SHOC2: variants seen among roughly 807,000 people sequenced by gnomAD.
SHOC2 encodes the protein leucine-rich repeat protein SHOC-2.
Under a neutral mutation model 50.2 loss-of-function variants are expected in SHOC2, and 4 were observed. The ratio of observed to expected loss-of-function variants is 0.08; its 90% CI spans 0.04 to 0.18. The LOEUF (loss-of-function observed/expected upper bound fraction) is 0.18. Ranked by LOEUF, SHOC2 falls within the 10% of genes least tolerant of loss-of-function variation. The probability of loss-of-function intolerance (pLI) is 1.00; values close to 1 mark genes in which losing one functional copy is unlikely to be tolerated. For missense variants in SHOC2, 388 were observed against 669.6 expected (o/e 0.58, Z 4.64); for synonymous variants, 218 against 244.5 (o/e 0.89, Z 1.01).
chr10:111,001,435 G>A (rs887825658), intron 4 of SHOC2, among the ~76,000 whole-genome samples: 1 of 152,064 alleles, frequency 6.6e-6, no homozygotes, highest in Non-Finnish European at 1.5e-5. Context: ...AATTACAGGC[G>A]TGAGCCACCA....
In SHOC2 at chr10:110,940,910, G is replaced by GGTTTT. The variant is rs1564705752; in HGVS notation, c.-235+21253_-235+21254insGTTTT. Among the ~76,000 whole-genome samples the GGTTTT allele has an allele frequency of 5.9e-5, 7 of 119,504 alleles. 3 individuals are homozygous for GGTTTT. The highest frequency in any genetic ancestry group is 2.2e-4 in the African/African-American group (7 of 31,418). The allele number at this position is 119,504 out of a possible 152,430, so 78.4% of individuals were successfully genotyped here. On this transcript the variant is annotated intron_variant, in intron 1 of 8. Transcript: ENST00000369452. ...GACAAAATAGTGGTATTTGTGGTGG[G>GGTTTT]TTTTTTTTTTTTTTTTTTTTTTTTT...
At chr10:110,931,097 G>A (rs1436600065) in intron 1 of SHOC2, among the ~76,000 whole-genome samples, 1 of 152,036 alleles carries the variant, frequency 6.6e-6, no homozygotes. Flanking sequence ...ACTCCCATTT[G>A]CTGCTATATA....
intron 1 of SHOC2, among the ~76,000 whole-genome samples, chr10:110,931,621 A>T (rs915406191): frequency 5.3e-5 from 8 of 152,116 alleles, no homozygotes; most frequent in Non-Finnish European, 1.0e-4. Context: ...TTTAAGTAGG[A>T]TATAGGGGAA....
chr10:110,958,814 C>G (rs1002439302), intron 1 of SHOC2, among the ~76,000 whole-genome samples: 2 of 151,968 alleles, frequency 1.3e-5, no homozygotes, highest in Non-Finnish European at 2.9e-5. Context: ...TGAATCCCTT[C>G]CTTCTCCCTA....
At chr10:110,994,848 T>C (rs1848242946) in intron 3 of SHOC2, among the ~76,000 whole-genome samples, 3 of 152,326 alleles carry the variant, frequency 2.0e-5, no homozygotes, top group Middle Eastern at 3.4e-3. Flanking sequence ...TGCAGAAAGT[T>C]GGAATTGTTA....
intron 2 of SHOC2, among the ~76,000 whole-genome samples, chr10:110,976,465 C>A (rs1373420291): frequency 1.3e-5 from 2 of 151,928 alleles, no homozygotes; most frequent in Non-Finnish European, 2.9e-5. Context: ...GTGTGTGCAC[C>A]ACACCCAGCT....
At chr10:110,921,370 C>T (rs761925215) in intron 1 of SHOC2, among the ~76,000 whole-genome samples, 9 of 151,944 alleles carry the variant, frequency 5.9e-5, no homozygotes, top group Non-Finnish European at 4.4e-5. Context: ...GAAAAATAGA[C>T]AAAAATAAAC....
At chr10:110,962,731 T>C (rs1590803183) in intron 1 of SHOC2, among the ~76,000 whole-genome samples, 1 of 152,170 alleles carries the variant, frequency 6.6e-6, no homozygotes, top group South Asian at 2.1e-4. Flanking sequence ...TTCTTTTTCA[T>C]GCCACCCACC....
upstream of SHOC2, chr10:110,919,442 GT>G (rs1318016210): frequency 2.0e-5 from 8 of 393,442 alleles, no homozygotes; most frequent in Non-Finnish European, 3.6e-5. Context: ...TCTTGCCCCG[GT>G]TCCGCCCATT....
intron 1 of SHOC2, among the ~76,000 whole-genome samples, chr10:110,934,914 G>A (rs1038237606): frequency 5.9e-5 from 9 of 152,094 alleles, no homozygotes; most frequent in Non-Finnish European, 8.8e-5. Flanking sequence ...ATATAGAAAG[G>A]TAAAGTAAAT....
chr10:110,973,253 A>G (rs1181424251), intron 2 of SHOC2, among the ~76,000 whole-genome samples: 2 of 152,294 alleles, frequency 1.3e-5, no homozygotes, highest in African/African-American at 2.4e-5. Flanking sequence ...TATTTGAAAA[A>G]TATCCCTATA....
chr10:110,957,540 C>A (rs576757756), intron 1 of SHOC2, among the ~76,000 whole-genome samples: 4 of 150,744 alleles, frequency 2.7e-5, no homozygotes, highest in East Asian at 4.0e-4. Context: ...ATACCCCCCC[C>A]CCAGCCCACA....
At chr10:110,957,567 TC>T (rs1847491805) in intron 1 of SHOC2, among the ~76,000 whole-genome samples, 1 of 145,204 alleles carries the variant, frequency 6.9e-6, no homozygotes, top group South Asian at 2.4e-4. Flanking sequence ...AACTCACTCT[TC>T]CAGTTTCTTG....
At chr10:110,975,631 G>GT (rs1331855798) in intron 2 of SHOC2, among the ~76,000 whole-genome samples, 1 of 151,718 alleles carries the variant, frequency 6.6e-6, no homozygotes, top group Non-Finnish European at 1.5e-5. Context: ...TTTGAGTTTG[G>GT]TTTTTTTGTC....
rs148542213 is a variant in SHOC2, at chr10:110,960,551, T to A, written c.-234-3574T>A. 3.6e-3 allele frequency among the ~76,000 whole-genome samples: 546 copies of A among 152,330 alleles called. 1 individual carries two copies. Among genetic ancestry groups the A allele is most frequent in the Non-Finnish European group, 5.4e-3 (367 of 68,030 alleles). ...TGACTTTGGTGCCTCAGTTTTCTCA[T>A]CTGTAAATTGGGACTAGAGGAACTA... On this transcript the variant is annotated intron_variant, in intron 1 of 8. Coordinates refer to ENST00000369452, the MANE Select transcript of SHOC2 (RefSeq NM_007373.4).
intron 2 of SHOC2, among the ~76,000 whole-genome samples, chr10:110,984,124 A>G (rs1848034650): frequency 3.3e-5 from 5 of 152,154 alleles, no homozygotes; most frequent in South Asian, 4.1e-4. Context: ...CCCAACAGCA[A>G]TGCACAAAGG....
intron 2 of SHOC2, among the ~76,000 whole-genome samples, chr10:110,979,535 C>A (rs530158660): frequency 1.9e-4 from 29 of 152,194 alleles, no homozygotes; most frequent in African/African-American, 6.7e-4. Context: ...AGGGTAAATT[C>A]CCTCTAGTTT....
intron 3 of SHOC2, among the ~76,000 whole-genome samples, chr10:110,990,944 A>G (rs1291200830): frequency 1.3e-5 from 2 of 152,226 alleles, no homozygotes; most frequent in East Asian, 1.9e-4. Flanking sequence ...TTTCTTGAAC[A>G]TATCAGGTAA....
intron 3 of SHOC2, among the ~76,000 whole-genome samples, chr10:110,995,742 T>C (rs878873309): frequency 1.3e-5 from 2 of 152,202 alleles, no homozygotes; most frequent in Admixed American, 6.5e-5. Flanking sequence ...AAAACCACCA[T>C]ACTCATTTTT....
Sources: allele counts gnomAD v4.1 joint callset (sites outside exome capture counted in the v4.1 genomes callset), GRCh38; gene constraint gnomAD v4.1.1; transcripts MANE v1.5; gene names NCBI Gene and HGNC (gene_info 2026-07-23, HGNC 2026-07-21).